The following MDGA2 variants were observed in gnomAD, a reference collection of about 807,000 sequenced individuals.
The protein encoded by MDGA2 is MAM domain containing glycosylphosphatidylinositol anchor 2, also known as MAM domain-containing glycosylphosphatidylinositol anchor protein 2.
A neutral mutation model predicts 117.8 loss-of-function variants in MDGA2; 40 were observed. The ratio of observed to expected loss-of-function variants is 0.34; its 90% CI spans 0.26 to 0.44. The LOEUF (loss-of-function observed/expected upper bound fraction) is 0.44. Among genes scored for constraint, MDGA2 ranks in the 20% least tolerant of loss-of-function variants. The pLI, the probability that MDGA2 is intolerant of heterozygous loss-of-function variation, is 1.00. For missense variants in MDGA2, 1,123 were observed against 1,250.6 expected, an observed-to-expected ratio of 0.90 and a Z score of 1.54; for synonymous variants, 452 against 439.0, an observed-to-expected ratio of 1.03 and a Z score of -0.37.
chr14:47,172,836 C>A (rs142849978), intron 3 of MDGA2, among the ~76,000 whole-genome samples: 1 of 151,976 alleles, frequency 6.6e-6, no homozygotes. Flanking sequence ...AGGCTTCAGA[C>A]GATCAAACTA....
chr14:46,896,374 C>T (rs969382519), intron 10 of MDGA2, among the ~76,000 whole-genome samples: 3 of 152,070 alleles, frequency 2.0e-5, no homozygotes, highest in African/African-American at 7.2e-5. Flanking sequence ...TAGAGATTAG[C>T]ATCACTTACT....
chr14:47,126,938 C>T (rs1470276174), intron 5 of MDGA2, among the ~76,000 whole-genome samples: 2 of 152,208 alleles, frequency 1.3e-5, no homozygotes, highest in Non-Finnish European at 2.9e-5. Flanking sequence ...CATAGACTGA[C>T]TGCAATTAAA....
At chr14:47,202,150 C>A (rs1192361670) in intron 3 of MDGA2, among the ~76,000 whole-genome samples, 1 of 152,118 alleles carries the variant, frequency 6.6e-6, no homozygotes, top group Admixed American at 6.5e-5. Context: ...TTAAACCTTT[C>A]TATAGTTGTA....
At chr14:47,108,753 C>T (rs547568106) in intron 5 of MDGA2, among the ~76,000 whole-genome samples, 8 of 152,216 alleles carry the variant, frequency 5.3e-5, no homozygotes, top group African/African-American at 9.6e-5. Context: ...TCTCTTCACA[C>T]GGATGCGCAA....
At chr14:47,259,495 A>G (rs1443623960) in intron 2 of MDGA2, among the ~76,000 whole-genome samples, 2 of 152,122 alleles carry the variant, frequency 1.3e-5, no homozygotes, top group Non-Finnish European at 2.9e-5. Flanking sequence ...CTGTTGGCAT[A>G]TAATGAACAT....
intron 5 of MDGA2, among the ~76,000 whole-genome samples, chr14:47,119,169 G>GCCCCCCCCCCCCC (rs755946456): frequency 5.2e-5 from 1 of 19,400 alleles, no homozygotes; most frequent in Non-Finnish European, 1.2e-4. Context: ...TCCTGCCTCA[G>GCCCCCCCCCCCCC]CCCCGCCCCC....
chr14:47,579,871 G>A (rs1455051849), intron 1 of MDGA2, among the ~76,000 whole-genome samples: 1 of 152,052 alleles, frequency 6.6e-6, no homozygotes, highest in East Asian at 1.9e-4. Flanking sequence ...TTTTTAAAAA[G>A]TGATAGCAAT....
At chr14:47,650,726 T>C (rs976470447) in intron 1 of MDGA2, among the ~76,000 whole-genome samples, 3 of 152,162 alleles carry the variant, frequency 2.0e-5, no homozygotes, top group African/African-American at 7.2e-5. Context: ...ACACAAATTA[T>C]TGTAAAATAA....
intron 1 of MDGA2, among the ~76,000 whole-genome samples, chr14:47,592,147 G>A (rs76301103): frequency 5.9e-5 from 9 of 151,906 alleles, no homozygotes; most frequent in African/African-American, 1.4e-4. Context: ...CATTACTGCC[G>A]CAAAGAGAAT....
At chr14:46,871,079 A>T in intron 14 of MDGA2, 1 of 151,968 alleles carries the variant, frequency 6.6e-6, no homozygotes, top group South Asian at 2.1e-4. Flanking sequence ...AGGAAGAATT[A>T]GAGTTGAGCT....
chr14:46,983,669 T>C (rs1282218925), intron 8 of MDGA2, among the ~76,000 whole-genome samples: 1 of 152,116 alleles, frequency 6.6e-6, no homozygotes, highest in East Asian at 1.9e-4. Context: ...TTTTCAGTAA[T>C]ATCAAGGTGC....
chr14:46,943,907 A>T (rs1322501285), intron 9 of MDGA2, among the ~76,000 whole-genome samples: 2 of 152,078 alleles, frequency 1.3e-5, no homozygotes, highest in East Asian at 3.9e-4. Flanking sequence ...TAAACAAATC[A>T]GGAAAGGTGT....
At chr14:47,360,244 G>T (rs1036844202) in intron 1 of MDGA2, among the ~76,000 whole-genome samples, 3 of 151,592 alleles carry the variant, frequency 2.0e-5, no homozygotes, top group East Asian at 3.9e-4. Flanking sequence ...CCAGCTACTC[G>T]GGAGGCTGAG....
intron 9 of MDGA2, among the ~76,000 whole-genome samples, chr14:46,936,078 T>C (rs1884770222): frequency 6.6e-6 from 1 of 152,132 alleles, no homozygotes; most frequent in African/African-American, 2.4e-5. Flanking sequence ...TAATTTTAAA[T>C]TTTGATGTAT....
intron 1 of MDGA2, among the ~76,000 whole-genome samples, chr14:47,410,110 A>C (rs1237502578): frequency 6.6e-6 from 1 of 152,220 alleles, no homozygotes; most frequent in Non-Finnish European, 1.5e-5. Context: ...GAAGCTTGTC[A>C]GGATCAGAGC....
intron 2 of MDGA2, among the ~76,000 whole-genome samples, chr14:47,281,659 T>C (rs150381933): frequency 6.6e-6 from 1 of 152,322 alleles, no homozygotes; most frequent in African/African-American, 2.4e-5. Context: ...TTAGCAGTCA[T>C]TGATGATCAC....
chr14:47,181,890 T>A (rs937577339), intron 3 of MDGA2, among the ~76,000 whole-genome samples: 2 of 152,170 alleles, frequency 1.3e-5, no homozygotes, highest in African/African-American at 4.8e-5. Flanking sequence ...TATGTGACAT[T>A]TGTAAAGTAT....
At chr14:47,102,389 AC>A (rs1308039336) in intron 5 of MDGA2, among the ~76,000 whole-genome samples, 189 of 148,288 alleles carry the variant, frequency 1.3e-3, no homozygotes, top group East Asian at 8.8e-3. Context: ...ACACACACAC[AC>A]ACAAACACAC....
intron 1 of MDGA2, among the ~76,000 whole-genome samples, chr14:47,433,212 CA>C (rs1892833965): frequency 6.6e-6 from 1 of 151,976 alleles, no homozygotes; most frequent in African/African-American, 2.4e-5. Flanking sequence ...TTATTAAAAG[CA>C]TTTTAATACT....
Sources: gnomAD v4.1 joint callset for allele counts (sites outside exome capture counted in the v4.1 genomes callset) on GRCh38, gnomAD v4.1.1 for gene constraint, MANE v1.5 for transcripts, NCBI Gene and HGNC (gene_info 2026-07-23, HGNC 2026-07-21) for gene names.